Variants in RYR2 observed in about 807,000 individuals in gnomAD.
RYR2 encodes the protein ryanodine receptor 2, also known as cardiac muscle ryanodine receptor-calcium release channel.
A neutral mutation model predicts 601.1 loss-of-function variants in RYR2; 227 were observed. That is an observed-to-expected ratio of 0.38 (90% CI 0.34 to 0.42). The LOEUF is 0.42. Among genes scored for constraint, RYR2 ranks in the 10% least tolerant of loss-of-function variants. The probability of loss-of-function intolerance (pLI) is 1.00; values close to 1 mark genes in which losing one functional copy is unlikely to be tolerated. For synonymous variants in RYR2, 2,223 were observed against 2,175.1 expected (o/e 1.02, Z -0.61); for missense variants, 4,646 against 6,156.5 (o/e 0.75, Z 8.21).
At chr1:237,181,276 A>G (rs1163723657) in intron 1 of RYR2, among the ~76,000 whole-genome samples, 91 of 147,200 alleles carry the variant, frequency 6.2e-4, no homozygotes, top group African/African-American at 2.1e-3. Flanking sequence ...GAGCCACCAC[A>G]CCTGGCAGCT....
chr1:237,398,837 A>T (rs1031999583), intron 10 of RYR2, among the ~76,000 whole-genome samples: 1 of 152,236 alleles, frequency 6.6e-6, no homozygotes, highest in African/African-American at 2.4e-5. Context: ...ACATGGAATC[A>T]GCTGTGGTAT....
chr1:237,787,855 C>A, intron 91 of RYR2, 133 bp from the exon 92 acceptor site: 2 of 812,282 alleles, frequency 2.5e-6, no homozygotes, highest in Non-Finnish European at 3.9e-6. Context: ...TATTATCATT[C>A]ACCGGAAAAG....
intron 26 of RYR2, among the ~76,000 whole-genome samples, chr1:237,549,559 A>C (rs1208367568): frequency 2.0e-5 from 3 of 151,332 alleles, no homozygotes; most frequent in East Asian, 3.9e-4. Flanking sequence ...ACAAAACAAC[A>C]ACAACACAGT....
At position 237,590,206 on chromosome 1, in the gene RYR2, CT is replaced by C. The variant is rs11307093; in HGVS notation, c.3807+218del. 0.39 allele frequency among the ~76,000 whole-genome samples: 57,735 copies of C among 147,394 alleles called. 12,401 individuals carry two copies. The highest frequency in any genetic ancestry group is 0.49 in the Admixed American group (7,297 of 14,766). ...AACTTTTAAATTTTTGCTTTCAATTCTTTTTTTTTTTTTCTTGAGCTATGTG... is the reference window on the plus strand; with the variant it reads ...AACTTTTAAATTTTTGCTTTCAATTCTTTTTTTTTTTTCTTGAGCTATGTG... On this transcript the variant is annotated intron_variant, in intron 30 of 104. Coordinates refer to ENST00000366574, the MANE Select transcript of RYR2 (RefSeq NM_001035.3).
In RYR2 at chr1:237,389,051, C is replaced by G. The variant is rs563198420; in HGVS notation, c.773+868C>G. Among the ~76,000 whole-genome samples the G allele has an allele frequency of 1.6e-4, 24 of 152,292 alleles. No homozygotes were observed. In the East Asian group the frequency reaches 4.6e-3, roughly 29 times the overall value. On this transcript the variant is annotated intron_variant, in intron 10 of 104. Transcript: ENST00000366574. ...TCCCTCTGAGACCTGGGTACTGGGT[C>G]TTAACCTCTGTTCCCAGGCAGACCT...
At position 237,634,970 on chromosome 1, in the gene RYR2, T is replaced by A; in HGVS notation, c.6770T>A (p.Leu2257Gln). 1 of 1,601,076 alleles carries A rather than the reference T, an allele frequency of 6.2e-7. No homozygotes were observed. The highest frequency in any genetic ancestry group is 8.5e-7 in the Non-Finnish European group (1 of 1,173,186). ...GATAATAATGAACTAGCATTAGCTC[T>A]GCGTGAGCCGGATCTAGAAAAGGTG... ...VMDNNELALA[L>Q]REPDLEKVVR... is the part of the protein sequence containing the mutation. The change falls in exon 44 of 105, where the codon CTG (leucine) becomes CAG (glutamine). Residue 2257 changes from leucine (L) to glutamine (Q), a missense_variant. This residue lies in a region of RYR2 where 137 missense variants were observed against 273.6 expected (regional missense o/e 0.50). Transcript: ENST00000366574.
At chr1:237,179,437 C>G (rs1018088590) in intron 1 of RYR2, among the ~76,000 whole-genome samples, 1 of 151,790 alleles carries the variant, frequency 6.6e-6, no homozygotes, top group Non-Finnish European at 1.5e-5. Context: ...GTTTAGGAGA[C>G]TAGGAATACC....
In RYR2 at chr1:237,355,923, A is replaced by ATTTG. The variant is rs537823252; in HGVS notation, c.274-31_274-28dup. 1.6e-3 allele frequency: 2,507 copies of ATTTG among 1,547,954 alleles called. 4 individuals are homozygous for ATTTG. Among genetic ancestry groups the ATTTG allele is most frequent in the Middle Eastern group, 6.2e-3 (33 of 5,286 alleles). ...GACAGTAATTGAAACATTGCTAGGTATTTGTTTGTTTGTTATTTATTTTGG... is the reference window on the plus strand; with the variant it reads ...GACAGTAATTGAAACATTGCTAGGTATTTGTTTGTTTGTTTGTTATTTATTTTGG... On this transcript the variant is annotated intron_variant, in intron 3 of 104. Coordinates refer to ENST00000366574, the MANE Select transcript of RYR2 (RefSeq NM_001035.3).
At chr1:237,088,998 A>G (rs894387844) in intron 1 of RYR2, among the ~76,000 whole-genome samples, 1 of 152,198 alleles carries the variant, frequency 6.6e-6, no homozygotes, top group Non-Finnish European at 1.5e-5. Context: ...CCAAACCCAC[A>G]TGGGTCCCAT....
chr1:237,658,136 G>A, intron 54 of RYR2, 114 bp downstream of exon 54: 2 of 501,378 alleles, frequency 4.0e-6, no homozygotes, highest in African/African-American at 2.0e-5. Flanking sequence ...ATCTAAATTA[G>A]GAAAAAATAC....
At chr1:237,820,164 G>A (rs1448815806) in intron 101 of RYR2, among the ~76,000 whole-genome samples, 1 of 145,136 alleles carries the variant, frequency 6.9e-6, no homozygotes. Flanking sequence ...TCTAGCCTGG[G>A]TGACAAGAGC....
chr1:237,142,499 G>A (rs1673498162), intron 1 of RYR2, among the ~76,000 whole-genome samples: 1 of 152,320 alleles, frequency 6.6e-6, no homozygotes, highest in South Asian at 2.1e-4. Flanking sequence ...GTAGGATAAA[G>A]GAGAATACCC....
chr1:237,525,766 G>A (rs1667515205), intron 24 of RYR2, among the ~76,000 whole-genome samples: 1 of 152,038 alleles, frequency 6.6e-6, no homozygotes, highest in Non-Finnish European at 1.5e-5. Flanking sequence ...AATCACCTGA[G>A]GTCAGATGTT....
chr1:237,767,483 T>C (rs190550840), intron 84 of RYR2, among the ~76,000 whole-genome samples: 212 of 152,290 alleles, frequency 1.4e-3, no homozygotes, highest in African/African-American at 4.7e-3. Flanking sequence ...TCATACTCTT[T>C]ACCAGTCGAT....
At chr1:237,259,063 C>G (rs1558511521) in intron 1 of RYR2, among the ~76,000 whole-genome samples, 1 of 151,992 alleles carries the variant, frequency 6.6e-6, no homozygotes, top group Non-Finnish European at 1.5e-5. Context: ...CTGTCCAGCT[C>G]CCTTTGGCTG....
At chr1:237,232,682 A>G (rs10802592) in intron 1 of RYR2, among the ~76,000 whole-genome samples, 67,410 of 151,950 alleles carry the variant, frequency 0.44, 15,303 homozygotes, top group East Asian at 0.64. Flanking sequence ...ACTGGTTACC[A>G]GTGAGAAGTA....
chr1:237,167,058 T>C (rs1390558160), intron 1 of RYR2, among the ~76,000 whole-genome samples: 1 of 152,230 alleles, frequency 6.6e-6, no homozygotes. Context: ...CATTCTAAGC[T>C]CACCCATAAA....
chr1:237,481,684 C>G (rs1042965166), intron 17 of RYR2, among the ~76,000 whole-genome samples: 1 of 151,926 alleles, frequency 6.6e-6, no homozygotes, highest in Non-Finnish European at 1.5e-5. Flanking sequence ...AATTTAAACT[C>G]GTGGAAAAAA....
chr1:237,682,166 G>A (rs1343932973), intron 62 of RYR2, among the ~76,000 whole-genome samples: 1 of 152,094 alleles, frequency 6.6e-6, no homozygotes. Context: ...TGTGTTTTGG[G>A]TATATATGAT....
Sources: allele counts gnomAD v4.1 joint callset (sites outside exome capture counted in the v4.1 genomes callset), GRCh38; gene constraint gnomAD v4.1.1; regional missense constraint gnomAD v4.1.1; transcripts MANE v1.5; gene names NCBI Gene and HGNC (gene_info 2026-07-23, HGNC 2026-07-21).